Variants in CCKBR observed in about 807,000 individuals in gnomAD.
CCKBR encodes the protein cholecystokinin B receptor, also known as gastrin/cholecystokinin type B receptor.
A neutral mutation model predicts 34.6 loss-of-function variants in CCKBR; 33 were observed. The observed-to-expected ratio is 0.95, with a 90% CI of 0.72 to 1.27. The LOEUF is 1.27. Ranked by LOEUF, CCKBR falls within the 50% of genes most tolerant of loss-of-function variation. CCKBR has a pLI of 0.00. For synonymous variants in CCKBR, 269 were observed against 267.5 expected (o/e 1.01, Z -0.06); for missense variants, 652 against 617.4 (o/e 1.06, Z -0.59).
chr11:6,260,163 A>G (rs1441332425), intron 1 of CCKBR, 84 bp downstream of exon 1: 4 of 1,026,716 alleles, frequency 3.9e-6, no homozygotes, highest in Non-Finnish European at 4.1e-6. Context: ...CGAGCTCCAC[A>G]CTACCTTCTC....
rs1160586178 is a variant in CCKBR, at chr11:6,271,469, G to A, written c.1270G>A (p.Asp424Asn). 1 of 1,612,958 alleles carries A rather than the reference G, an allele frequency of 6.2e-7. No individual in the cohort carries two copies. The highest frequency in any genetic ancestry group is 2.2e-5 in the East Asian group (1 of 44,878). Residue 424 changes from aspartate (D) to asparagine (N), a missense_variant, in exon 5 of 5, where the codon GAC becomes AAC. Coordinates refer to ENST00000334619, the MANE Select transcript of CCKBR (RefSeq NM_176875.4). The stretch of plus-strand genomic sequence containing the variant: ...TCGCCCCAGGGCTCTTCCCGATGAG[G>A]ACCCTCCCACTCCCTCCATTGCTTC... ...RARPRALPDE[D>N]PPTPSIASLS...
At position 6,271,193 on chromosome 11, in the gene CCKBR, G is replaced by C. The variant is rs777122005; in HGVS notation, c.994G>C (p.Val332Leu). The C allele has an allele frequency of 1.2e-6, 2 of 1,614,200 alleles. No homozygotes were observed. Among genetic ancestry groups the C allele is most frequent in the South Asian group, 2.2e-5 (2 of 91,088 alleles). Residue 332 changes from valine to leucine, a missense_variant, in exon 5 of 5, where the codon GTG becomes CTG. By Grantham distance (32) the Val-to-Leu change is conservative. Transcript: ENST00000334619. Reference protein sequence around the residue: ...QAKLLAKKRVVRMLLVIVVLF... With the variant: ...QAKLLAKKRVLRMLLVIVVLF... ...CAAGCTGCTGGCTAAGAAGCGCGTG[G>C]TGCGAATGTTGCTGGTGATCGTTGT...
In CCKBR at chr11:6,260,000, G is replaced by A; in HGVS notation, c.72G>A (p.Pro24=). 3.2e-6 allele frequency: 5 copies of A among 1,584,658 alleles called. No individual in the cohort carries two copies. Among genetic ancestry groups the A allele is most frequent in the Non-Finnish European group, 4.3e-6 (5 of 1,167,622 alleles). The change falls in exon 1 of 5, where the codon CCG becomes CCA. Residue 24 remains proline, a synonymous_variant. Coordinates refer to ENST00000334619, the MANE Select transcript of CCKBR (RefSeq NM_176875.4). ...GGCCGGGGGCTTCCCTGTGCCGCCC[G>A]GGGGCGCCTCTCCTCAACAGCAGCA... ...GPGPGASLCR[P]GAPLLNSSSV... is the part of the protein sequence containing the mutation.
At chr11:6,264,077 G>A (rs989134165) in intron 1 of CCKBR, among the ~76,000 whole-genome samples, 2 of 152,208 alleles carry the variant, frequency 1.3e-5, no homozygotes, top group African/African-American at 2.4e-5. Context: ...GCATGTAGAT[G>A]TTACCATTCT....
chr11:6,261,209 C>T lies in CCKBR; in HGVS notation c.151+1130C>T, dbSNP rs181955700. Among the ~76,000 whole-genome samples, 720 of 151,924 alleles carry T rather than the reference C, an allele frequency of 4.7e-3. 5 individuals carry two copies. Among genetic ancestry groups the T allele is most frequent in the African/African-American group, 0.017 (691 of 41,400 alleles). On this transcript the variant is annotated intron_variant, in intron 1 of 4. Coordinates refer to ENST00000334619, the MANE Select transcript of CCKBR (RefSeq NM_176875.4). ...CAGTGGGAATGTAAGTTGAACAAAACCGACACAATTCCTACTTCACAGAGC... is the reference window on the plus strand; with the variant it reads ...CAGTGGGAATGTAAGTTGAACAAAATCGACACAATTCCTACTTCACAGAGC...
At position 6,259,849 on chromosome 11, in the gene CCKBR, G is replaced by C. The variant is rs1848099038; in HGVS notation, c.-80G>C. The C allele has an allele frequency of 1.1e-5, 14 of 1,219,838 alleles. No individual in the cohort carries two copies. The Admixed American group carries it at 3.3e-4, about 28-fold the overall frequency. 75.6% of individuals were successfully genotyped at this position (1,219,838 alleles called of 1,614,324 possible). On this transcript the variant is annotated 5_prime_UTR_variant, in exon 1 of 5. Coordinates refer to ENST00000334619, the MANE Select transcript of CCKBR (RefSeq NM_176875.4). ...AGGAGGGCGGCGGGAGCCTGAGCCG[G>C]AATCGCAGCGTGAGCAGGTGGAGCC...
chr11:6,268,032 C>T (rs776271037), intron 1 of CCKBR, among the ~76,000 whole-genome samples: 24 of 152,214 alleles, frequency 1.6e-4, no homozygotes, highest in African/African-American at 3.9e-4. Flanking sequence ...TTTGTAGAGA[C>T]GGGACTTTGC....
chr11:6,266,089 T>C (rs1318597425), intron 1 of CCKBR, among the ~76,000 whole-genome samples: 1 of 152,036 alleles, frequency 6.6e-6, no homozygotes, highest in Non-Finnish European at 1.5e-5. Context: ...AAGCTCCTAG[T>C]CTAGTGGGGA....
In CCKBR at chr11:6,266,024, G is replaced by C. The variant is rs141861468; in HGVS notation, c.152-3645G>C. ...TGACTGCCTCCCCTGTGCTAGGGAT[G>C]ATGAGTGCTAGGGATATACTGGAGA... On this transcript the variant is annotated intron_variant, in intron 1 of 4. Coordinates refer to ENST00000334619, the MANE Select transcript of CCKBR (RefSeq NM_176875.4). Among the ~76,000 whole-genome samples, 17 of 152,286 alleles carry C rather than the reference G, an allele frequency of 1.1e-4. No homozygotes were observed. The East Asian group carries it at 1.9e-3, about 17-fold the overall frequency.
At chr11:6,266,044 T>C (rs2133899487) in intron 1 of CCKBR, among the ~76,000 whole-genome samples, 1 of 152,264 alleles carries the variant, frequency 6.6e-6, no homozygotes, top group South Asian at 2.1e-4. Flanking sequence ...AGGGATATAC[T>C]GGAGAGCGAG....
intron 4 of CCKBR, 91 bp from the exon 5 acceptor site, chr11:6,270,920 G>A: frequency 6.2e-7 from 1 of 1,611,986 alleles, no homozygotes; most frequent in Non-Finnish European, 8.5e-7. Context: ...GCTGGAAATG[G>A]AGTTGAGCTG....
rs145071452 is a variant in CCKBR at position 6,265,409 on chromosome 11, T to A, written c.152-4260T>A. Among the ~76,000 whole-genome samples, 238 of 152,356 alleles carry A rather than the reference T, an allele frequency of 1.6e-3. 1 individual carries two copies. The highest frequency in any genetic ancestry group is 5.4e-3 in the African/African-American group (223 of 41,588). On this transcript the variant is annotated intron_variant, in intron 1 of 4. Transcript: ENST00000334619. ...GCACACACATGGGACATCAGCTGGATGAATGAATGAGAAATTGCTTTTCAT... is the reference window on the plus strand; with the variant it reads ...GCACACACATGGGACATCAGCTGGAAGAATGAATGAGAAATTGCTTTTCAT...
intron 1 of CCKBR, among the ~76,000 whole-genome samples, chr11:6,260,571 AC>A (rs1385545554): frequency 1.3e-5 from 2 of 152,014 alleles, no homozygotes; most frequent in East Asian, 3.9e-4. Flanking sequence ...CACATCTGAC[AC>A]CCCAGCCCCC....
At position 6,266,792 on chromosome 11, in the gene CCKBR, T is replaced by G. The variant is rs73395099; in HGVS notation, c.152-2877T>G. Among the ~76,000 whole-genome samples the G allele has an allele frequency of 7.3e-3, 1,115 of 152,304 alleles. 15 individuals are homozygous for G. Among genetic ancestry groups the G allele is most frequent in the African/African-American group, 0.026 (1,064 of 41,544 alleles). On this transcript the variant is annotated intron_variant, in intron 1 of 4. Transcript: ENST00000334619. ...AATGATGGGGATACCTTCTGAGAAA[T>G]GCATCATTAGGTGATTTCATTGTGT...
At chr11:6,268,813 TAGAAGGGCCTTAC>T (rs996411342) in intron 1 of CCKBR, among the ~76,000 whole-genome samples, 9 of 152,172 alleles carry the variant, frequency 5.9e-5, no homozygotes, top group African/African-American at 1.7e-4. Context: ...AAGAGGAGAG[TAGAAGGGCCTTAC>T]AGAAGGGCCT....
intron 1 of CCKBR, among the ~76,000 whole-genome samples, chr11:6,266,180 T>C (rs1393337122): frequency 6.6e-6 from 1 of 151,966 alleles, no homozygotes; most frequent in Non-Finnish European, 1.5e-5. Context: ...GGCATTTAGA[T>C]TGAGATTTGA....
In CCKBR at chr11:6,271,061, G is replaced by C; in HGVS notation, c.862G>C (p.Glu288Gln). 1 of 1,614,162 alleles carries C rather than the reference G, an allele frequency of 6.2e-7. No homozygotes were observed. The highest frequency in any genetic ancestry group is 1.1e-5 in the South Asian group (1 of 91,082). ...RCRPETGAVG[E>Q]DSDGCYVQLP... ...CCGGCCTGAGACTGGCGCGGTTGGCGAAGACAGCGATGGCTGCTACGTGCA... is the reference window on the plus strand; with the variant it reads ...CCGGCCTGAGACTGGCGCGGTTGGCCAAGACAGCGATGGCTGCTACGTGCA... The change falls in exon 5 of 5, where the codon GAA (glutamate) becomes CAA (glutamine). Residue 288 changes from glutamate to glutamine, a missense_variant. Glu to Gln is a conservative substitution (Grantham distance 29). Transcript: ENST00000334619.
rs889373392 is a variant in CCKBR at position 6,271,726 on chromosome 11, A to T, written c.*183A>T. The T allele has an allele frequency of 1.7e-6, 1 of 603,192 alleles. No individual in the cohort carries two copies. Among genetic ancestry groups the T allele is most frequent in the African/African-American group, 1.9e-5 (1 of 53,774 alleles). 37.4% of individuals were successfully genotyped at this position (603,192 alleles called of 1,614,324 possible). The stretch of plus-strand genomic sequence containing the variant: ...AATAAGAATGGAGCAGTACATGGGA[A>T]AGGAGGCATGCCTCTGATATGGGAC... On this transcript the variant is annotated 3_prime_UTR_variant, in exon 5 of 5. Transcript: ENST00000334619.
At position 6,270,184 on chromosome 11, in the gene CCKBR, C is replaced by T. The variant is rs202143110; in HGVS notation, c.500C>T (p.Thr167Met). 2.7e-5 allele frequency: 43 copies of T among 1,613,564 alleles called. No individual in the cohort carries two copies. Among genetic ancestry groups the T allele is most frequent in the Non-Finnish European group, 3.4e-5 (40 of 1,180,012 alleles). ...CRPLQARVWQ[T>M]RSHAARVIVA... Reference sequence around the variant, plus strand: ...CCACTGCAGGCACGAGTGTGGCAGACGCGCTCCCACGCGGCTCGCGTGATT... The same window carrying T: ...CCACTGCAGGCACGAGTGTGGCAGATGCGCTCCCACGCGGCTCGCGTGATT... Residue 167 changes from threonine to methionine, a missense_variant, in exon 3 of 5, where the codon ACG becomes ATG. Coordinates refer to ENST00000334619, the MANE Select transcript of CCKBR (RefSeq NM_176875.4).
Sources: allele counts gnomAD v4.1 joint callset (sites outside exome capture counted in the v4.1 genomes callset), GRCh38; gene constraint gnomAD v4.1.1; transcripts MANE v1.5; gene names NCBI Gene and HGNC (gene_info 2026-07-23, HGNC 2026-07-21).